Variants in AGT observed in about 807,000 individuals in gnomAD.
The protein encoded by AGT is angiotensinogen.
In AGT, 26 loss-of-function variants were observed where a neutral mutation model predicts 28.1. The ratio of observed to expected loss-of-function variants is 0.92; its 90% CI spans 0.68 to 1.28. AGT has a LOEUF of 1.28. Ranked by LOEUF, AGT falls within the 50% of genes most tolerant of loss-of-function variation. The probability of loss-of-function intolerance (pLI) is 0.00; values close to 1 mark genes in which losing one functional copy is unlikely to be tolerated. For missense variants in AGT, 596 were observed against 592.3 expected (o/e 1.01, Z -0.06); for synonymous variants, 259 against 259.6 (o/e 1.00, Z 0.02).
intron 1 of AGT, among the ~76,000 whole-genome samples, chr1:230,736,867 T>G (rs1250783774): frequency 6.6e-6 from 1 of 152,140 alleles, no homozygotes; most frequent in Non-Finnish European, 1.5e-5. Context: ...ATCTATCCCT[T>G]TTCAGCACCT....
chr1:230,707,788 G>A (rs960272689), intron 2 of AGT, among the ~76,000 whole-genome samples: 2 of 152,160 alleles, frequency 1.3e-5, no homozygotes, highest in Non-Finnish European at 2.9e-5. Flanking sequence ...AGTGGCTGCC[G>A]TCTTCCCTCT....
intron 1 of AGT, among the ~76,000 whole-genome samples, chr1:230,712,405 C>T (rs1355036859): frequency 6.6e-6 from 1 of 152,180 alleles, no homozygotes; most frequent in African/African-American, 2.4e-5. Flanking sequence ...ACCATCTCAC[C>T]CCACTCCCCA....
exon 1 of AGT, among the ~76,000 whole-genome samples, chr1:230,745,516 G>T (rs966890635): frequency 1.3e-5 from 2 of 152,230 alleles, no homozygotes; most frequent in Non-Finnish European, 2.9e-5. Flanking sequence ...GTTGCTCACA[G>T]TTCTGGAAGC....
chr1:230,706,334 ACT>A (rs61762534), intron 2 of AGT, 134 bp from the exon 3 acceptor site: 18 of 985,758 alleles, frequency 1.8e-5, no homozygotes, highest in Admixed American at 5.2e-5. Flanking sequence ...CCCCCAGGCC[ACT>A]CTGCATTCTC....
intron 1 of AGT, among the ~76,000 whole-genome samples, chr1:230,725,822 G>T (rs1663929956): frequency 6.6e-6 from 1 of 152,300 alleles, no homozygotes; most frequent in Non-Finnish European, 1.5e-5. Context: ...TGCTAGGAAA[G>T]GCTCCCAACC....
chr1:230,721,084 G>A (rs545479949), intron 1 of AGT, among the ~76,000 whole-genome samples: 3 of 152,332 alleles, frequency 2.0e-5, no homozygotes, highest in South Asian at 2.1e-4. Flanking sequence ...ACTGGCAAAG[G>A]GACCGAGAAA....
chr1:230,742,356 C>A (rs1333760467), intron 1 of AGT, among the ~76,000 whole-genome samples: 2 of 152,210 alleles, frequency 1.3e-5, no homozygotes, highest in East Asian at 1.9e-4. Context: ...CGCACTGTCA[C>A]CCAGGCTGGA....
upstream of AGT, among the ~76,000 whole-genome samples, chr1:230,717,455 C>G (rs578148029): frequency 1.3e-5 from 2 of 152,246 alleles, no homozygotes; most frequent in South Asian, 4.2e-4. Flanking sequence ...ATGATGCAAT[C>G]AAACCTGGAA....
intron 1 of AGT, among the ~76,000 whole-genome samples, chr1:230,731,162 T>C (rs1272632852): frequency 6.6e-6 from 1 of 152,198 alleles, no homozygotes; most frequent in East Asian, 1.9e-4. Flanking sequence ...CCAAGGTCAC[T>C]TGTGTCTGAG....
upstream of AGT, among the ~76,000 whole-genome samples, chr1:230,714,453 C>T (rs965289876): frequency 6.6e-6 from 1 of 152,222 alleles, no homozygotes; most frequent in African/African-American, 2.4e-5. Flanking sequence ...CCCAGGCCTT[C>T]TGACCCAGCC....
chr1:230,717,131 G>A (rs1663752767), upstream of AGT, among the ~76,000 whole-genome samples: 1 of 146,546 alleles, frequency 6.8e-6, no homozygotes, highest in African/African-American at 2.5e-5. Context: ...AAAGTGGCTG[G>A]GGCAAAGCTA....
chr1:230,707,353 C>T (rs557529022), intron 2 of AGT, among the ~76,000 whole-genome samples: 99 of 152,326 alleles, frequency 6.5e-4, no homozygotes, highest in African/African-American at 2.2e-3. Context: ...ATAAGTTTGT[C>T]ACAGAACAGT....
At chr1:230,719,439 G>T (rs1312056244), upstream of AGT, among the ~76,000 whole-genome samples, 1 of 44,090 alleles carries the variant, frequency 2.3e-5, no homozygotes, top group Non-Finnish European at 3.2e-5. Context: ...ACGGAGTCTC[G>T]CTCTGTCGCC....
rs111846252 is a variant in AGT at position 230,735,492 on chromosome 1, G to T, written c.-31+10023C>A. Reference sequence around the variant, plus strand: ...TTTTTAAAAACTCAATACAGAAGTAGGTAAAGTGGCTTTTTTGTTCTCCTT... The same window carrying T: ...TTTTTAAAAACTCAATACAGAAGTATGTAAAGTGGCTTTTTTGTTCTCCTT... On this transcript the variant is annotated intron_variant, in intron 1 of 4. Transcript: ENST00000681269. 2.0e-3 allele frequency among the ~76,000 whole-genome samples: 299 copies of T among 152,278 alleles called. 3 individuals are homozygous for T. The highest frequency in any genetic ancestry group is 6.8e-3 in the African/African-American group (284 of 41,550).
intron 1 of AGT, among the ~76,000 whole-genome samples, chr1:230,728,875 G>C (rs1180200761): frequency 2.0e-5 from 3 of 152,210 alleles, no homozygotes; most frequent in Non-Finnish European, 2.9e-5. Context: ...CATGGGAGTA[G>C]AGAATCCTCA....
intron 1 of AGT, among the ~76,000 whole-genome samples, chr1:230,733,931 GC>G (rs1664110138): frequency 6.6e-6 from 1 of 152,084 alleles, no homozygotes; most frequent in African/African-American, 2.4e-5. Context: ...AAGAGGCCGG[GC>G]CCAGATGACA....
At chr1:230,717,072 A>G (rs1663751123), upstream of AGT, among the ~76,000 whole-genome samples, 1 of 145,136 alleles carries the variant, frequency 6.9e-6, no homozygotes, top group African/African-American at 2.5e-5. Context: ...TAGATCCCTT[A>G]AACCTTGATT....
rs113399323 is a variant in AGT, at chr1:230,737,357, A to G, written c.-31+8158T>C. ...ATGGAGTTTCACTTTTGTCACCAAG[A>G]CTGGAGTGCCATGATGTGATCTCAG... is the stretch of plus-strand genomic sequence containing the variant. On this transcript the variant is annotated intron_variant, in intron 1 of 4. Coordinates refer to the AGT transcript ENST00000681269. Among the ~76,000 whole-genome samples, 247 of 152,170 alleles carry G rather than the reference A, an allele frequency of 1.6e-3. 3 individuals carry two copies. Among genetic ancestry groups the G allele is most frequent in the African/African-American group, 5.8e-3 (241 of 41,538 alleles).
intron 1 of AGT, among the ~76,000 whole-genome samples, chr1:230,742,937 A>G (rs995930525): frequency 6.6e-6 from 1 of 152,204 alleles, no homozygotes; most frequent in African/African-American, 2.4e-5. Flanking sequence ...GTATTCATAA[A>G]TAGTTCTCCA....
Sources: gnomAD v4.1 joint callset for allele counts (sites outside exome capture counted in the v4.1 genomes callset) on GRCh38, gnomAD v4.1.1 for gene constraint, MANE v1.5 for transcripts, NCBI Gene and HGNC (gene_info 2026-07-23, HGNC 2026-07-21) for gene names.